The following XXYLT1 variants were observed in gnomAD, a reference collection of about 807,000 sequenced individuals.
XXYLT1 encodes the protein xyloside xylosyltransferase 1.
In XXYLT1, 20 loss-of-function variants were observed where a neutral mutation model predicts 28.9. The observed-to-expected ratio is 0.69, with a 90% confidence interval of 0.49 to 1.00. The LOEUF is 1.00. XXYLT1 is among the 50% of genes least tolerant of loss of function. The pLI, the probability that XXYLT1 is intolerant of heterozygous loss-of-function variation, is 0.00. For synonymous variants in XXYLT1, 257 were observed against 253.8 expected (o/e 1.01, Z -0.12); for missense variants, 542 against 560.1 (o/e 0.97, Z 0.33).
intron 1 of XXYLT1, among the ~76,000 whole-genome samples, chr3:195,260,990 C>T (rs1490723516): frequency 1.3e-5 from 2 of 152,338 alleles, no homozygotes; most frequent in East Asian, 3.9e-4. Context: ...ACCCACAGCC[C>T]CTTGGCAGAG....
At chr3:195,175,402 G>A (rs182956057) in intron 2 of XXYLT1, among the ~76,000 whole-genome samples, 14 of 152,350 alleles carry the variant, frequency 9.2e-5, no homozygotes, top group African/African-American at 3.4e-4. Context: ...CAGAAGGGAA[G>A]TCTAAGACCA....
chr3:195,231,386 CTT>C (rs775658608), intron 1 of XXYLT1, among the ~76,000 whole-genome samples: 21 of 152,032 alleles, frequency 1.4e-4, no homozygotes, highest in Admixed American at 4.6e-4. Flanking sequence ...ATGTCGTTCT[CTT>C]GTCTGATTGC....
At chr3:195,107,923 GC>G (rs138567286) in intron 3 of XXYLT1, among the ~76,000 whole-genome samples, 2,297 of 152,130 alleles carry the variant, frequency 0.015, 53 homozygotes, top group African/African-American at 0.051. Context: ...TCAGCTGCTG[GC>G]CAGTGCTGAG....
At chr3:195,142,668 T>C (rs576897527) in intron 3 of XXYLT1, among the ~76,000 whole-genome samples, 3 of 152,248 alleles carry the variant, frequency 2.0e-5, no homozygotes, top group Non-Finnish European at 4.4e-5. Flanking sequence ...TGTGATGCCA[T>C]TAGCAATGCC....
chr3:195,188,690 G>A (rs1722302304), intron 2 of XXYLT1, among the ~76,000 whole-genome samples: 1 of 152,180 alleles, frequency 6.6e-6, no homozygotes, highest in South Asian at 2.1e-4. Context: ...TGCTTGTCCT[G>A]CATCATAACT....
At chr3:195,097,881 C>G (rs1471753717) in intron 3 of XXYLT1, among the ~76,000 whole-genome samples, 5 of 150,032 alleles carry the variant, frequency 3.3e-5, no homozygotes, top group Admixed American at 2.6e-4. Flanking sequence ...AACCAAATGT[C>G]TGGACAAAGA....
intron 3 of XXYLT1, among the ~76,000 whole-genome samples, chr3:195,082,581 G>C (rs1318668487): frequency 6.6e-6 from 1 of 152,202 alleles, no homozygotes; most frequent in African/African-American, 2.4e-5. Context: ...GGCTGGGCAC[G>C]GTGGCTCACG....
chr3:195,250,565 A>T, intron 1 of XXYLT1, among the ~76,000 whole-genome samples: 1 of 129,816 alleles, frequency 7.7e-6, no homozygotes. Flanking sequence ...ACTCCATCTC[A>T]AAAAAAAAAA....
chr3:195,267,443 T>C (rs1341268041), intron 1 of XXYLT1, among the ~76,000 whole-genome samples: 1 of 152,224 alleles, frequency 6.6e-6, no homozygotes, highest in East Asian at 1.9e-4. Context: ...CAGAAAGCCT[T>C]GGGCGAGTTT....
intron 2 of XXYLT1, among the ~76,000 whole-genome samples, chr3:195,166,824 G>A (rs767247135): frequency 2.2e-4 from 34 of 152,132 alleles, no homozygotes; most frequent in Admixed American, 2.6e-4. Context: ...TGGGATTACA[G>A]GTGCCCAGCA....
At chr3:195,226,686 T>C (rs1227200521) in intron 2 of XXYLT1, 23 bp downstream of exon 2, 1 of 1,609,036 alleles carries the variant, frequency 6.2e-7, no homozygotes, top group East Asian at 2.2e-5. Context: ...CCAGGGGCTA[T>C]TGCTCCTGGA....
rs182242360 is a variant in XXYLT1, at chr3:195,245,184, G to A, written c.505-18328C>T. Reference sequence around the variant, plus strand: ...ATTTTTTTTTTTTTTTTTTTGAGACGGAGTCTCGCTCTGTCACCCAGGCTG... The same window carrying A: ...ATTTTTTTTTTTTTTTTTTTGAGACAGAGTCTCGCTCTGTCACCCAGGCTG... On this transcript the variant is annotated intron_variant, in intron 1 of 3. Transcript: ENST00000310380. Among the ~76,000 whole-genome samples, 845 of 143,262 alleles carry A rather than the reference G, an allele frequency of 5.9e-3. 7 individuals are homozygous for A. Among genetic ancestry groups the A allele is most frequent in the Non-Finnish European group, 7.5e-3 (500 of 66,254 alleles). 94.0% of individuals were successfully genotyped at this position (143,262 alleles called of 152,430 possible).
rs1351177110 is a variant in XXYLT1 at position 195,088,368 on chromosome 3, T to TCCCTGAC, written c.786-18264_786-18258dup. Among the ~76,000 whole-genome samples the TCCCTGAC allele has an allele frequency of 4.3e-4, 63 of 147,442 alleles. 1 individual carries two copies. The highest frequency in any genetic ancestry group is 1.2e-3 in the East Asian group (6 of 4,812). On this transcript the variant is annotated intron_variant, in intron 3 of 3. Transcript: ENST00000310380. Reference sequence around the variant, plus strand: ...CGGGCAGACTGCCTCCTCAAGTGGGTCCCTGACCCCTGACCCCCGAGCAGC... The same window carrying TCCCTGAC: ...CGGGCAGACTGCCTCCTCAAGTGGGTCCCTGACCCCTGACCCCTGACCCCCGAGCAGC...
rs572615328 is a variant in XXYLT1, at chr3:195,215,065, C to CA, written c.652+11643dup. 1.2e-3 allele frequency among the ~76,000 whole-genome samples: 179 copies of CA among 150,636 alleles called. 2 individuals are homozygous for CA. In the South Asian group the frequency reaches 0.037, roughly 31 times the overall value. ...TTCAACCCAGAATTTCATATCCAGC[C>CA]AAACTAAGCTTCATAAGTGAAGGAG... On this transcript the variant is annotated intron_variant, in intron 2 of 3. Transcript: ENST00000310380.
chr3:195,089,610 T>C (rs1335797816), intron 3 of XXYLT1, among the ~76,000 whole-genome samples: 1 of 150,556 alleles, frequency 6.6e-6, no homozygotes, highest in Non-Finnish European at 1.5e-5. Context: ...AGGAAGAAAC[T>C]GCATCAACTA....
In XXYLT1 at chr3:195,168,036, A is replaced by G. The variant is rs1274319337; in HGVS notation, c.653-11455T>C. On this transcript the variant is annotated intron_variant, in intron 2 of 3. Transcript: ENST00000310380. The surrounding 1 kb of genome is among the most constrained non-coding windows in gnomAD (Gnocchi z 4.3). ...TTTGTTTTTTTAAACAACTGTTGAC[A>G]TGGGCTCTCCATTATTTCACAAAAT... Among the ~76,000 whole-genome samples the G allele has an allele frequency of 6.6e-6, 1 of 152,188 alleles. No individual in the cohort carries two copies. Among genetic ancestry groups the G allele is most frequent in the Non-Finnish European group, 1.5e-5 (1 of 68,040 alleles).
intron 1 of XXYLT1, among the ~76,000 whole-genome samples, chr3:195,254,775 G>A (rs1016879164): frequency 3.3e-5 from 5 of 152,244 alleles, no homozygotes; most frequent in Non-Finnish European, 5.9e-5. Context: ...CCTAGCACGC[G>A]TCAAGCACAA....
In XXYLT1 at chr3:195,077,432, A is replaced by G. The variant is rs2642390; in HGVS notation, c.786-7321T>C. 0.22 allele frequency among the ~76,000 whole-genome samples: 33,987 copies of G among 152,070 alleles called. 4,343 individuals carry two copies. Among genetic ancestry groups the G allele is most frequent in the East Asian group, 0.59 (3,064 of 5,156 alleles). On this transcript the variant is annotated intron_variant, in intron 3 of 3. Transcript: ENST00000310380. This position sits in a 1 kb window ranked among gnomAD's most constrained non-coding sequence, Gnocchi z 4.8. ...GAGGAGCAGCCCTGCCTGTCCCTGT[A>G]GGTGCTCAGCCTCTGCAGAGCTGAT... is the stretch of plus-strand genomic sequence containing the variant.
At chr3:195,149,701 A>G (rs946166604) in intron 3 of XXYLT1, among the ~76,000 whole-genome samples, 1 of 152,214 alleles carries the variant, frequency 6.6e-6, no homozygotes, top group African/African-American at 2.4e-5. Flanking sequence ...GGGATATTAA[A>G]ATGTTCTTCA....
Sources: allele counts gnomAD v4.1 joint callset (sites outside exome capture counted in the v4.1 genomes callset), GRCh38; gene constraint gnomAD v4.1.1; non-coding constraint Gnocchi (gnomAD v3.1); transcripts MANE v1.5; gene names NCBI Gene and HGNC (gene_info 2026-07-23, HGNC 2026-07-21).